SGCA: variants seen among roughly 807,000 people sequenced by gnomAD.
The protein encoded by SGCA is alpha-sarcoglycan.
A neutral mutation model predicts 38.1 loss-of-function variants in SGCA; 34 were observed. The observed-to-expected ratio is 0.89, with a 90% CI of 0.68 to 1.19. The LOEUF (loss-of-function observed/expected upper bound fraction) is 1.19, where lower values mean the gene tolerates loss of function less well. Ranked by LOEUF, SGCA falls within the 50% of genes most tolerant of loss-of-function variation. The pLI is 0.00. For missense variants in SGCA, 476 were observed against 524.9 expected, an observed-to-expected ratio of 0.91 and a Z score of 0.91; for synonymous variants, 209 against 214.6, an observed-to-expected ratio of 0.97 and a Z score of 0.23.
At position 50,170,244 on chromosome 17, in the gene SGCA, C is replaced by T. The variant is rs764545490; in HGVS notation, c.849C>T (p.Asp283=). ...TCTGCCCACCCACTGAGGCCCCAGA[C>T]CGTGACTTCTTGGTGGATGCTCTGG... ...PFFCPPTEAP[D]RDFLVDALVT... Residue 283 remains aspartate, a synonymous_variant, in exon 7 of 10, where the codon GAC becomes GAT. Coordinates refer to ENST00000262018, the MANE Select transcript of SGCA (RefSeq NM_000023.4). The T allele has an allele frequency of 1.9e-6, 3 of 1,614,226 alleles. No individual in the cohort carries two copies. Among genetic ancestry groups the T allele is most frequent in the East Asian group, 4.5e-5 (2 of 44,886 alleles).
At chr17:50,166,359 A>G (rs1007015679) in intron 1 of SGCA, among the ~76,000 whole-genome samples, 1 of 152,092 alleles carries the variant, frequency 6.6e-6, no homozygotes, top group Admixed American at 6.5e-5. Flanking sequence ...GGGCCCTTTA[A>G]TGAGCTGGCT....
At chr17:50,169,412 G>GAGAC in intron 6 of SGCA, 158 bp downstream of exon 6, 1 of 329,284 alleles carries the variant, frequency 3.0e-6, no homozygotes, top group East Asian at 5.3e-5. Context: ...TTAGTCTGAG[G>GAGAC]ATACACACAC....
chr17:50,171,643 C>A (rs1344897692), intron 8 of SGCA: 1 of 456,784 alleles, frequency 2.2e-6, no homozygotes, highest in Non-Finnish European at 4.4e-6. Flanking sequence ...CTGTCGTTGC[C>A]TCTTGACCTT....
chr17:50,170,629 C>T lies in SGCA; in HGVS notation c.957-11C>T. The T allele has an allele frequency of 6.4e-7, 1 of 1,559,880 alleles. No individual in the cohort carries two copies. The highest frequency in any genetic ancestry group is 8.7e-7 in the Non-Finnish European group (1 of 1,150,748). On this transcript the variant is annotated splice_polypyrimidine_tract_variant and intron_variant, in intron 7 of 9. Coordinates refer to ENST00000262018, the MANE Select transcript of SGCA (RefSeq NM_000023.4). ...AGAGCTGGGCTAACCCTCTCCTTCA[C>T]TTTTCCACAGGCTGAAGAGAGACCT...
At chr17:50,172,270 G>A in intron 8 of SGCA, 1 of 457,034 alleles carries the variant, frequency 2.2e-6, no homozygotes, top group Non-Finnish European at 4.4e-6. Context: ...GGTTATCTCT[G>A]TGGTGACCTC....
chr17:50,168,663 G>T (rs1284914282), intron 5 of SGCA, 91 bp downstream of exon 5: 9 of 1,135,298 alleles, frequency 7.9e-6, no homozygotes, highest in Non-Finnish European at 1.2e-5. Context: ...TCCAGGTGGG[G>T]CTTTACCACG....
chr17:50,174,300 C>T (rs1486687307), intron 8 of SGCA, among the ~76,000 whole-genome samples: 1 of 152,102 alleles, frequency 6.6e-6, no homozygotes, highest in Non-Finnish European at 1.5e-5. Flanking sequence ...AAGTTGGCGA[C>T]AAAGTGAGAC....
Position 50,166,649 on chromosome 17 carries a change from C to T in SGCA, c.37+572C>T, listed in dbSNP as rs533770766. Among the ~76,000 whole-genome samples, 11 of 151,720 alleles carry T rather than the reference C, an allele frequency of 7.3e-5. No individual in the cohort carries two copies. The South Asian group carries it at 2.3e-3, about 32-fold the overall frequency. ...GGGATTCTTTTCCCAGTGCCTTTCA[C>T]ACATACACACCCTCACACACACACA... On this transcript the variant is annotated intron_variant, in intron 1 of 9. Transcript: ENST00000262018.
At chr17:50,171,693 G>C in intron 8 of SGCA, 1 of 456,820 alleles carries the variant, frequency 2.2e-6, no homozygotes, top group Non-Finnish European at 4.4e-6. Flanking sequence ...CCAGGGTGAA[G>C]GAGCCTGAGG....
At chr17:50,174,165 T>A (rs2586478) in intron 8 of SGCA, among the ~76,000 whole-genome samples, 78,612 of 151,714 alleles carry the variant, frequency 0.52, 21,799 homozygotes, top group Middle Eastern at 0.63. Flanking sequence ...ACAAAAAAAA[T>A]TTTAAATTAG....
chr17:50,175,373 C>CA lies in SGCA; in HGVS notation c.1101dup (p.Gly368ArgfsTer2). 6.2e-7 allele frequency: 1 copy of CA among 1,613,038 alleles called. No individual in the cohort carries two copies. Among genetic ancestry groups the CA allele is most frequent in the Non-Finnish European group, 8.5e-7 (1 of 1,180,008 alleles). ...ACCCTGCCCATGTTCAATGTGCACA[C>CA]AGGTGAGCGGCTGCCTCCCCGCGTG... On this transcript the variant is annotated frameshift_variant, in exon 9 of 10. Transcript: ENST00000262018. LOFTEE classifies it high-confidence loss of function.
chr17:50,173,586 G>A (rs1160046813), intron 8 of SGCA, among the ~76,000 whole-genome samples: 3 of 152,208 alleles, frequency 2.0e-5, no homozygotes, highest in Non-Finnish European at 4.4e-5. Context: ...GTCCAGATGT[G>A]GGGCTGGGAA....
chr17:50,175,844 T>G lies in SGCA; in HGVS notation c.*145T>G. 1 of 474,404 alleles carries G rather than the reference T, an allele frequency of 2.1e-6. No homozygotes were observed. Among genetic ancestry groups the G allele is most frequent in the Middle Eastern group, 3.1e-4 (1 of 3,184 alleles). The allele number at this position is 474,404 out of a possible 1,614,324, so 29.4% of individuals were successfully genotyped here. On this transcript the variant is annotated 3_prime_UTR_variant, in exon 10 of 10. Coordinates refer to ENST00000262018, the MANE Select transcript of SGCA (RefSeq NM_000023.4). ...AAACAAGCAGGGAGAGGGGGTGGGG[T>G]GGGGTGAGAGTGTGTGGAGTAAGGA...
intron 6 of SGCA, chr17:50,169,539 T>C: frequency 2.0e-6 from 1 of 497,722 alleles, no homozygotes; most frequent in Non-Finnish European, 3.6e-6. Context: ...TCTGCCCAGG[T>C]CAACAGCTAT....
chr17:50,169,013 G>C (rs1905154648), intron 5 of SGCA, 79 bp from the exon 6 acceptor site: 1 of 1,391,804 alleles, frequency 7.2e-7, no homozygotes, highest in Non-Finnish European at 1.0e-6. Context: ...AATTAGGAAA[G>C]TTTCAACAAC....
rs1414876189 is a variant in SGCA at position 50,167,258 on chromosome 17, C to T, written c.38-110C>T. The T allele has an allele frequency of 1.4e-5, 21 of 1,492,056 alleles. No homozygotes were observed. The highest frequency in any genetic ancestry group is 2.0e-4 in the Middle Eastern group (1 of 4,906). 92.4% of individuals were successfully genotyped at this position (1,492,056 alleles called of 1,614,324 possible). ...CCTTCCTGGGAGGCAGCAAAGGAAGCGCTTCTCTCGGTCCCTTAGGGGCTC... is the reference window on the plus strand; with the variant it reads ...CCTTCCTGGGAGGCAGCAAAGGAAGTGCTTCTCTCGGTCCCTTAGGGGCTC... On this transcript the variant is annotated intron_variant, in intron 1 of 9. Coordinates refer to ENST00000262018, the MANE Select transcript of SGCA (RefSeq NM_000023.4). This position sits in a 1 kb window ranked among gnomAD's most constrained non-coding sequence, Gnocchi z 4.5.
rs1243425459 is a variant in SGCA, at chr17:50,170,500, TG to T, written c.957-136del. The T allele has an allele frequency of 3.0e-6, 4 of 1,320,924 alleles. No homozygotes were observed. The African/African-American group carries it at 4.4e-5, about 14-fold the overall frequency. The allele number at this position is 1,320,924 out of a possible 1,614,324, so 81.8% of individuals were successfully genotyped here. ...GTGTGGGGCCCCTTTCTAGGCAACT[TG>T]GGGCTTGAGACCTGCCTGGCCTGGC... On this transcript the variant is annotated intron_variant, in intron 7 of 9. Coordinates refer to ENST00000262018, the MANE Select transcript of SGCA (RefSeq NM_000023.4).
At chr17:50,173,622 C>A (rs2144508841) in intron 8 of SGCA, among the ~76,000 whole-genome samples, 1 of 152,336 alleles carries the variant, frequency 6.6e-6, no homozygotes, top group East Asian at 1.9e-4. Flanking sequence ...CTGACTGAGG[C>A]CTTCCTCTGC....
At chr17:50,166,209 G>A in intron 1 of SGCA, 132 bp downstream of exon 1, 2 of 763,098 alleles carry the variant, frequency 2.6e-6, no homozygotes, top group South Asian at 1.5e-5. Context: ...AAGGGCTTTG[G>A]GGTGTTAATG....
Sources: allele counts gnomAD v4.1 joint callset (sites outside exome capture counted in the v4.1 genomes callset), GRCh38; gene constraint gnomAD v4.1.1; non-coding constraint Gnocchi (gnomAD v3.1); transcripts MANE v1.5; gene names NCBI Gene and HGNC (gene_info 2026-07-23, HGNC 2026-07-21).